The following SCFD2 variants were observed in gnomAD, a reference collection of about 807,000 sequenced individuals.
The protein encoded by SCFD2 is sec1 family domain containing 2.
Under a neutral mutation model 58.9 loss-of-function variants are expected in SCFD2, and 54 were observed. That is an observed-to-expected ratio of 0.92 (90% CI 0.74 to 1.15). The LOEUF (loss-of-function observed/expected upper bound fraction) is 1.15. Among genes scored for constraint, SCFD2 ranks in the 50% most tolerant of loss-of-function variants. The pLI is 0.00. For missense variants in SCFD2, 805 were observed against 836.6 expected (o/e 0.96, Z 0.47); for synonymous variants, 321 against 335.9 (o/e 0.96, Z 0.49).
chr4:52,977,854 C>G (rs1474854769), intron 5 of SCFD2, among the ~76,000 whole-genome samples: 1 of 152,194 alleles, frequency 6.6e-6, no homozygotes, highest in Non-Finnish European at 1.5e-5. Flanking sequence ...GAGACTTCAT[C>G]TATGCCACAG....
intron 4 of SCFD2, among the ~76,000 whole-genome samples, chr4:53,165,887 T>G (rs2148931627): frequency 6.6e-6 from 1 of 152,356 alleles, no homozygotes; most frequent in Admixed American, 6.5e-5. Context: ...TTTCTCCATC[T>G]CTTCTCAGAT....
At chr4:52,900,434 C>T (rs1719158920) in intron 7 of SCFD2, among the ~76,000 whole-genome samples, 2 of 152,192 alleles carry the variant, frequency 1.3e-5, no homozygotes, top group African/African-American at 4.8e-5. Flanking sequence ...TGGGTATGAG[C>T]AGCGGTGGCT....
rs748832497 is a variant in SCFD2 at position 53,145,500 on chromosome 4, T to C, written c.1394A>G (p.Asp465Gly). The C allele has an allele frequency of 4.3e-6, 7 of 1,614,052 alleles. 1 individual carries two copies. In the South Asian group the frequency reaches 6.6e-5, roughly 15 times the overall value. Reference sequence around the variant, plus strand: ...GATCAGCAGTTCCTCAGGGCTGTAGTCCTCGTTGGTTCTCTGGGTTACAGG... The same window carrying C: ...GATCAGCAGTTCCTCAGGGCTGTAGCCCTCGTTGGTTCTCTGGGTTACAGG... The part of the protein sequence containing the change: ...IKPVTQRTNE[D>G]YSPEELLILL... Residue 465 changes from aspartate to glycine, a missense_variant, in exon 5 of 9, where the codon GAC becomes GGC. Asp to Gly is a moderately conservative substitution (Grantham distance 94, BLOSUM62 -1). Around this residue, in one of 3 missense-constraint regions of SCFD2, gnomAD observed 633 missense variants for 646.8 expected, o/e 0.98. Coordinates refer to ENST00000401642, the MANE Select transcript of SCFD2 (RefSeq NM_152540.4).
chr4:53,054,644 GT>G (rs5858204), intron 5 of SCFD2, among the ~76,000 whole-genome samples: 2,497 of 147,848 alleles, frequency 0.017, 65 homozygotes, highest in African/African-American at 0.059. Context: ...AAAAAAAAGA[GT>G]TTTTTTTTTG....
chr4:53,139,742 G>A (rs555800119), intron 5 of SCFD2, among the ~76,000 whole-genome samples: 5 of 152,374 alleles, frequency 3.3e-5, no homozygotes, highest in South Asian at 2.1e-4. Flanking sequence ...CCATGATGAC[G>A]ATGGTGGTTT....
At chr4:53,235,218 CT>C (rs1473512839) in intron 4 of SCFD2, among the ~76,000 whole-genome samples, 1 of 152,254 alleles carries the variant, frequency 6.6e-6, no homozygotes, top group African/African-American at 2.4e-5. Flanking sequence ...ACATTCATTA[CT>C]TGGGGTGGCC....
intron 2 of SCFD2, among the ~76,000 whole-genome samples, chr4:53,336,638 C>A (rs892241174): frequency 1.1e-4 from 16 of 152,154 alleles, no homozygotes; most frequent in Non-Finnish European, 7.3e-5. Flanking sequence ...AATCCTCCCA[C>A]CTTAACCTTC....
At position 53,305,639 on chromosome 4, in the gene SCFD2, TTTA is replaced by T. The variant is rs1268170387; in HGVS notation, c.1135+7994_1135+7996del. Among the ~76,000 whole-genome samples, 14 of 152,334 alleles carry T rather than the reference TTTA, an allele frequency of 9.2e-5. No homozygotes were observed. In the East Asian group the frequency reaches 9.6e-4, roughly 10 times the overall value. On this transcript the variant is annotated intron_variant, in intron 3 of 8. Coordinates refer to ENST00000401642, the MANE Select transcript of SCFD2 (RefSeq NM_152540.4). ...GTCACTTTTGTTAACATATAATGGG[TTTA>T]TTATTATCTCAATATGAATTAATAA...
At chr4:53,273,454 A>G (rs185775593) in intron 4 of SCFD2, 7 of 158,410 alleles carry the variant, frequency 4.4e-5, no homozygotes, top group Admixed American at 3.9e-4. Context: ...AAACTAGGTA[A>G]TGTCAGAAGA....
chr4:53,214,443 A>G (rs1728739562), intron 4 of SCFD2, among the ~76,000 whole-genome samples: 1 of 152,090 alleles, frequency 6.6e-6, no homozygotes, highest in South Asian at 2.1e-4. Flanking sequence ...TTTTGTCTGC[A>G]TAAATGTCTT....
rs1263422882 is a variant in SCFD2, at chr4:53,302,792, T to C, written c.1135+10844A>G. 9.2e-5 allele frequency among the ~76,000 whole-genome samples: 14 copies of C among 152,092 alleles called. 2 individuals carry two copies. In the South Asian group the frequency reaches 2.1e-3, roughly 23 times the overall value. On this transcript the variant is annotated intron_variant, in intron 3 of 8. Transcript: ENST00000401642. Reference sequence around the variant, plus strand: ...AACAGAACAGAGCCCTCAGAAATAATGCTGCATATCTACAACTATCTGTTC... The same window carrying C: ...AACAGAACAGAGCCCTCAGAAATAACGCTGCATATCTACAACTATCTGTTC...
At position 53,236,075 on chromosome 4, in the gene SCFD2, G is replaced by A. The variant is rs565241389; in HGVS notation, c.1311+37751C>T. 2.0e-5 allele frequency among the ~76,000 whole-genome samples: 3 copies of A among 152,268 alleles called. No individual in the cohort carries two copies. In the South Asian group the frequency reaches 6.2e-4, roughly 32 times the overall value. On this transcript the variant is annotated intron_variant, in intron 4 of 8. Transcript: ENST00000401642. ...TCTGGGTGTGTAAGTGAGGGTATTG[G>A]TAAAAGAGATTAACATTTGAGTCAG...
At chr4:53,083,323 C>T (rs1485969507) in intron 5 of SCFD2, among the ~76,000 whole-genome samples, 1 of 151,992 alleles carries the variant, frequency 6.6e-6, no homozygotes, top group East Asian at 1.9e-4. Flanking sequence ...CTTATGAGGT[C>T]TCATATGGAA....
intron 4 of SCFD2, among the ~76,000 whole-genome samples, chr4:53,212,269 A>C (rs955993814): frequency 6.6e-6 from 1 of 152,010 alleles, no homozygotes; most frequent in African/African-American, 2.4e-5. Context: ...TATAGCTTAT[A>C]AAGGACCAGG....
intron 4 of SCFD2, among the ~76,000 whole-genome samples, chr4:53,270,429 T>C (rs187582752): frequency 1.3e-5 from 2 of 152,246 alleles, no homozygotes; most frequent in East Asian, 1.9e-4. Context: ...TTTGGGAACA[T>C]TTTCCTTCAA....
At chr4:52,884,122 G>A (rs1284434598) in intron 8 of SCFD2, among the ~76,000 whole-genome samples, 1 of 152,210 alleles carries the variant, frequency 6.6e-6, no homozygotes, top group Non-Finnish European at 1.5e-5. Flanking sequence ...GAAAGCCCCA[G>A]CCTTTGTCCT....
At chr4:53,047,414 C>T (rs1447001706) in intron 5 of SCFD2, among the ~76,000 whole-genome samples, 2 of 152,182 alleles carry the variant, frequency 1.3e-5, no homozygotes, top group Non-Finnish European at 2.9e-5. Flanking sequence ...CACCACTGCA[C>T]TCCAGCCTGG....
At chr4:53,177,693 G>A (rs1413367624) in intron 4 of SCFD2, among the ~76,000 whole-genome samples, 2 of 152,196 alleles carry the variant, frequency 1.3e-5, no homozygotes, top group Admixed American at 6.5e-5. Flanking sequence ...CGCACCGTGT[G>A]CGAGCCAAGG....
intron 2 of SCFD2, among the ~76,000 whole-genome samples, chr4:53,341,522 G>C: frequency 6.6e-6 from 1 of 152,172 alleles, no homozygotes; most frequent in East Asian, 1.9e-4. Context: ...AACCAAGTTG[G>C]AAAAGACTCT....
Sources: gnomAD v4.1 joint callset for allele counts (sites outside exome capture counted in the v4.1 genomes callset) on GRCh38, gnomAD v4.1.1 for gene constraint, gnomAD v4.1.1 regional missense constraint, MANE v1.5 for transcripts, NCBI Gene and HGNC (gene_info 2026-07-23, HGNC 2026-07-21) for gene names.